Variants in SUGCT observed in about 807,000 individuals in gnomAD.
SUGCT encodes the protein succinyl-CoA:glutarate CoA-transferase.
In SUGCT, 41 loss-of-function variants were observed where a neutral mutation model predicts 55.0. That is an observed-to-expected ratio of 0.74 (90% CI 0.58 to 0.97). The LOEUF (loss-of-function observed/expected upper bound fraction) is 0.97. Among genes scored for constraint, SUGCT ranks in the 50% least tolerant of loss-of-function variants. The pLI is 0.00. For missense variants in SUGCT, 568 were observed against 547.8 expected (o/e 1.04, Z -0.37); for synonymous variants, 187 against 200.4 (o/e 0.93, Z 0.56).
At chr7:40,636,954 A>G (rs1800047486) in intron 12 of SUGCT, among the ~76,000 whole-genome samples, 1 of 152,166 alleles carries the variant, frequency 6.6e-6, no homozygotes, top group Non-Finnish European at 1.5e-5. Flanking sequence ...GCAGAAGGAA[A>G]TATTACTAGT....
chr7:40,754,516 ACCAGT>A (rs1788163222), intron 13 of SUGCT, among the ~76,000 whole-genome samples: 2 of 152,174 alleles, frequency 1.3e-5, no homozygotes, highest in Non-Finnish European at 2.9e-5. Context: ...ACTGGATAGG[ACCAGT>A]CCCTCGTGGA....
At chr7:41,012,195 C>G in the SUGCT span, among the ~76,000 whole-genome samples, 3 of 152,184 alleles carry the variant, frequency 2.0e-5, no homozygotes, top group African/African-American at 7.2e-5. Context: ...CCGGTGAACT[C>G]TCCCTCCCCC....
At chr7:40,465,959 T>C (rs1790086303) in intron 11 of SUGCT, among the ~76,000 whole-genome samples, 2 of 152,154 alleles carry the variant, frequency 1.3e-5, no homozygotes, top group Admixed American at 6.6e-5. Context: ...ATGGTTCACT[T>C]TAGCCTTGAA....
intron 6 of SUGCT, among the ~76,000 whole-genome samples, chr7:40,205,547 G>C (rs1371725776): frequency 6.8e-6 from 1 of 148,062 alleles, no homozygotes; most frequent in Admixed American, 6.7e-5. Flanking sequence ...AGGCTGAGGC[G>C]GGAGAATCAC....
intron 9 of SUGCT, among the ~76,000 whole-genome samples, chr7:40,339,658 G>T (rs1465303264): frequency 6.6e-6 from 1 of 152,192 alleles, no homozygotes; most frequent in African/African-American, 2.4e-5. Context: ...GCTTCGCTTG[G>T]CTAGGAAAGG....
chr7:40,235,878 G>C (rs576345950), intron 6 of SUGCT, among the ~76,000 whole-genome samples: 41 of 152,228 alleles, frequency 2.7e-4, no homozygotes, highest in African/African-American at 9.9e-4. Context: ...AGTCTTCCAG[G>C]TGGCTGGAGA....
rs796434059 is a variant in SUGCT at position 40,333,374 on chromosome 7, C to T, written c.816+16519C>T. 2.0e-5 allele frequency among the ~76,000 whole-genome samples: 3 copies of T among 151,748 alleles called. No individual in the cohort carries two copies. The South Asian group carries it at 6.3e-4, about 32-fold the overall frequency. On this transcript the variant is annotated intron_variant, in intron 9 of 13. Coordinates refer to ENST00000335693, the MANE Select transcript of SUGCT (RefSeq NM_001193313.2). ...TTTAGTGGCCGGGCGTGGTGGCTCA[C>T]ACCTATAATCCCAGCACTTTGGGAG...
At chr7:40,856,544 CCCT>C (rs1371189026) in intron 13 of SUGCT, among the ~76,000 whole-genome samples, 1 of 152,052 alleles carries the variant, frequency 6.6e-6, no homozygotes, top group Non-Finnish European at 1.5e-5. Context: ...ACAGAGGTAA[CCCT>C]TGGAAGCAAT....
At chr7:40,961,112 C>T in the SUGCT span, among the ~76,000 whole-genome samples, 1 of 152,230 alleles carries the variant, frequency 6.6e-6, no homozygotes, top group African/African-American at 2.4e-5. Flanking sequence ...ACTCCTCCTC[C>T]ACACTCAGCA....
At chr7:40,351,475 ATGTACT>A (rs1008142084) in intron 9 of SUGCT, among the ~76,000 whole-genome samples, 1 of 152,144 alleles carries the variant, frequency 6.6e-6, no homozygotes, top group Admixed American at 6.6e-5. Context: ...ATTTAGCAAA[ATGTACT>A]TATAATAGTG....
intron 12 of SUGCT, among the ~76,000 whole-genome samples, chr7:40,593,715 T>G (rs1797850587): frequency 6.6e-6 from 1 of 152,100 alleles, no homozygotes; most frequent in Non-Finnish European, 1.5e-5. Flanking sequence ...GGTACACTCC[T>G]GTAATCCCAG....
chr7:40,240,520 A>G (rs567739219), intron 7 of SUGCT, among the ~76,000 whole-genome samples: 27 of 152,128 alleles, frequency 1.8e-4, no homozygotes, highest in Non-Finnish European at 2.8e-4. Flanking sequence ...GAATCAGGCC[A>G]TGCTGGGAGT....
intron 12 of SUGCT, among the ~76,000 whole-genome samples, chr7:40,515,076 T>C (rs1237168219): frequency 6.6e-6 from 1 of 152,180 alleles, no homozygotes; most frequent in African/African-American, 2.4e-5. Flanking sequence ...TGTGTGTATA[T>C]AGAGTTGTAT....
At chr7:41,031,658 T>C in the SUGCT span, among the ~76,000 whole-genome samples, 1 of 152,188 alleles carries the variant, frequency 6.6e-6, no homozygotes, top group Non-Finnish European at 1.5e-5. Flanking sequence ...TTCTGAACTT[T>C]CAAAATTTCC....
intron 10 of SUGCT, among the ~76,000 whole-genome samples, chr7:40,450,310 A>G (rs897590254): frequency 2.6e-5 from 4 of 151,522 alleles, no homozygotes; most frequent in Non-Finnish European, 5.9e-5. Flanking sequence ...GAACTTAGGT[A>G]TCTGTTCATT....
intron 12 of SUGCT, among the ~76,000 whole-genome samples, chr7:40,689,906 A>G (rs112485573): frequency 0.02 from 2,971 of 152,296 alleles, 58 homozygotes; most frequent in Non-Finnish European, 0.03. Context: ...ACATGTAAGC[A>G]ACAAGTAGCC....
intron 7 of SUGCT, among the ~76,000 whole-genome samples, chr7:40,242,928 TA>T (rs1562605083): frequency 0.013 from 482 of 36,858 alleles, 8 homozygotes; most frequent in East Asian, 0.024. Context: ...TATATATATA[TA>T]TATATTTTTT....
At chr7:40,362,891 A>G (rs1252891226) in intron 9 of SUGCT, among the ~76,000 whole-genome samples, 1 of 152,210 alleles carries the variant, frequency 6.6e-6, no homozygotes, top group Non-Finnish European at 1.5e-5. Context: ...TTTGTCTTAT[A>G]GTATATGAAA....
chr7:40,651,829 G>C (rs1211306529), intron 12 of SUGCT, among the ~76,000 whole-genome samples: 1 of 151,872 alleles, frequency 6.6e-6, no homozygotes, highest in African/African-American at 2.4e-5. Flanking sequence ...TTTTGTTTGA[G>C]TTTATGCGTC....
Sources: allele counts gnomAD v4.1 joint callset (sites outside exome capture counted in the v4.1 genomes callset), GRCh38; gene constraint gnomAD v4.1.1; transcripts MANE v1.5; gene names NCBI Gene and HGNC (gene_info 2026-07-23, HGNC 2026-07-21).